SOS1: variants seen among roughly 807,000 people sequenced by gnomAD.
SOS1 encodes SOS Ras/Rac guanine nucleotide exchange factor 1, also known as son of sevenless homolog 1.
A neutral mutation model predicts 157.6 loss-of-function variants in SOS1; 25 were observed. That is an observed-to-expected ratio of 0.16 (90% CI 0.12 to 0.22). The LOEUF is 0.22. SOS1 is among the 10% of genes least tolerant of loss of function. The pLI, the probability that SOS1 is intolerant of heterozygous loss-of-function variation, is 1.00. For synonymous variants in SOS1, 528 were observed against 534.0 expected, an observed-to-expected ratio of 0.99 and a Z score of 0.16; for missense variants, 1,237 against 1,599.1, an observed-to-expected ratio of 0.77 and a Z score of 3.86.
intron 22 of SOS1, 52 bp downstream of exon 22, chr2:38,987,421 A>T: frequency 2.2e-6 from 2 of 917,530 alleles, no homozygotes; most frequent in Non-Finnish European, 3.6e-6. Context: ...GCCGTTTATT[A>T]TAATGAACTG....
intron 8 of SOS1, chr2:39,034,973 TA>T (rs902767903): frequency 4.5e-5 from 25 of 551,016 alleles, no homozygotes; most frequent in Non-Finnish European, 6.9e-5. Flanking sequence ...AAACCAAAAA[TA>T]AAAAAAAGAA....
At chr2:39,045,279 T>A (rs1194001584) in intron 6 of SOS1, among the ~76,000 whole-genome samples, 226 of 135,804 alleles carry the variant, frequency 1.7e-3, no homozygotes, top group African/African-American at 5.4e-3. Context: ...AGAGAGTGTG[T>A]GTGTGTGTGT....
intron 8 of SOS1, among the ~76,000 whole-genome samples, chr2:39,033,016 C>G (rs1342755585): frequency 5.9e-5 from 9 of 151,544 alleles, no homozygotes; most frequent in African/African-American, 1.9e-4. Context: ...ACCGGGATAC[C>G]CATGGAACCC....
chr2:39,083,967 C>A (rs1195913323), intron 1 of SOS1, among the ~76,000 whole-genome samples: 1 of 152,082 alleles, frequency 6.6e-6, no homozygotes, highest in African/African-American at 2.4e-5. Flanking sequence ...AAAATGAGGT[C>A]ATTAGGGTAG....
chr2:39,091,558 G>A (rs770741598), intron 1 of SOS1, among the ~76,000 whole-genome samples: 7 of 151,318 alleles, frequency 4.6e-5, no homozygotes, highest in Admixed American at 6.6e-5. Flanking sequence ...TAAACATAAC[G>A]GGATCACTCC....
chr2:39,038,506 C>G (rs1429422047), intron 6 of SOS1, among the ~76,000 whole-genome samples: 1 of 151,700 alleles, frequency 6.6e-6, no homozygotes, highest in Non-Finnish European at 1.5e-5. Flanking sequence ...GAGGCCAAGG[C>G]AGGCAGATCA....
At chr2:39,077,878 T>C (rs1672069738) in intron 1 of SOS1, among the ~76,000 whole-genome samples, 2 of 152,196 alleles carry the variant, frequency 1.3e-5, no homozygotes, top group Admixed American at 6.5e-5. Context: ...GCAGGATATC[T>C]TTATAACCTG....
Position 38,981,985 on chromosome 2 carries a change from C to T in SOS1, c.*3839G>A, listed in dbSNP as rs1668412225. 1 of 152,138 alleles carries T rather than the reference C, an allele frequency of 6.6e-6. No homozygotes were observed. Among genetic ancestry groups the T allele is most frequent in the South Asian group, 2.1e-4 (1 of 4,828 alleles). The allele number at this position is 152,138 out of a possible 1,614,324, so 9.4% of individuals were successfully genotyped here. A position where few individuals can be genotyped will look rare whatever the true frequency, so the allele number is the denominator to read the frequency against. On this transcript the variant is annotated 3_prime_UTR_variant, in exon 23 of 23. Transcript: ENST00000402219. ...TTAGAGATGTTCTTAATTAAAGGCA[C>T]ATTTGGCAGCTACTGAAAGTGGCAT...
intron 1 of SOS1, among the ~76,000 whole-genome samples, chr2:39,120,099 G>A (rs994529036): frequency 1.3e-4 from 20 of 152,242 alleles, no homozygotes; most frequent in African/African-American, 4.1e-4. Flanking sequence ...ACCTCTCAGG[G>A]GTTGGATTAT....
At chr2:39,047,954 T>A (rs752575161) in intron 6 of SOS1, among the ~76,000 whole-genome samples, 1 of 152,050 alleles carries the variant, frequency 6.6e-6, no homozygotes, top group South Asian at 2.1e-4. Context: ...AGGCATGAGC[T>A]ACCGTGCCCA....
chr2:39,084,542 C>G (rs1442640818), intron 1 of SOS1, among the ~76,000 whole-genome samples: 1 of 152,074 alleles, frequency 6.6e-6, no homozygotes, highest in Non-Finnish European at 1.5e-5. Flanking sequence ...ATGAATCATT[C>G]CTCCCCCAAA....
At chr2:39,080,357 A>G (rs1050010146) in intron 1 of SOS1, among the ~76,000 whole-genome samples, 3 of 152,132 alleles carry the variant, frequency 2.0e-5, no homozygotes, top group Non-Finnish European at 4.4e-5. Context: ...GAGTGGCTGT[A>G]AATACAGATG....
In SOS1 at chr2:39,013,506, A is replaced by G. The variant is rs571408451; in HGVS notation, c.2121T>C (p.Asp707=). ...VEHHFYDFER[D]AYLLQRMEEF... is the part of the protein sequence containing the mutation. ...CTTCCATTCGTTGCAAAAGATATGC[A>G]TCTCTTTCAAAATCATAGAAGTGGT... The change falls in exon 13 of 23, where the codon GAT becomes GAC. Residue 707 remains aspartate, a synonymous_variant. Transcript: ENST00000402219. 5.0e-6 allele frequency: 8 copies of G among 1,612,946 alleles called. No individual in the cohort carries two copies. The Admixed American group carries it at 6.7e-5, about 13-fold the overall frequency.
rs944143295 is a variant in SOS1 at position 39,106,621 on chromosome 2, T to A, written c.87+13715A>T. On this transcript the variant is annotated intron_variant, in intron 1 of 22. Coordinates refer to ENST00000402219, the MANE Select transcript of SOS1 (RefSeq NM_005633.4). ...AAAAAACAAAAAAAAAAACAAAACATCTGAGTAATTCAGGGTCCATAAAAC... is the reference window on the plus strand; with the variant it reads ...AAAAAACAAAAAAAAAAACAAAACAACTGAGTAATTCAGGGTCCATAAAAC... Among the ~76,000 whole-genome samples the A allele has an allele frequency of 7.7e-5, 11 of 143,438 alleles. 1 individual carries two copies. Among genetic ancestry groups the A allele is most frequent in the African/African-American group, 3.0e-4 (11 of 36,306 alleles). 94.1% of individuals were successfully genotyped at this position (143,438 alleles called of 152,430 possible).
chr2:38,996,383 C>T (rs1415941292), intron 19 of SOS1, among the ~76,000 whole-genome samples: 1 of 152,194 alleles, frequency 6.6e-6, no homozygotes, highest in Non-Finnish European at 1.5e-5. Context: ...AGCCACCGCA[C>T]CTGGCAGACT....
intron 1 of SOS1, among the ~76,000 whole-genome samples, chr2:39,098,655 C>A (rs373394613): frequency 6.6e-6 from 1 of 152,078 alleles, no homozygotes; most frequent in African/African-American, 2.4e-5. Context: ...TTTGGGAGGC[C>A]GAGGCAGGCA....
intron 1 of SOS1, among the ~76,000 whole-genome samples, chr2:39,080,336 C>T (rs1055564180): frequency 5.9e-5 from 9 of 152,048 alleles, no homozygotes; most frequent in Non-Finnish European, 8.8e-5. Flanking sequence ...GGCGGTAATG[C>T]GAATGATGGT....
At chr2:39,122,445 T>TACACACAC (rs1353516539), upstream of SOS1, among the ~76,000 whole-genome samples, 46 of 28,798 alleles carry the variant, frequency 1.6e-3, 1 homozygote, top group African/African-American at 7.2e-3. Context: ...CAAAAAAAAA[T>TACACACAC]ATACACACAC....
upstream of SOS1, among the ~76,000 whole-genome samples, chr2:39,123,266 C>A (rs1280391045): frequency 6.6e-6 from 1 of 152,104 alleles, no homozygotes; most frequent in African/African-American, 2.4e-5. Flanking sequence ...CCTGCTAGCA[C>A]TAAATCAAAT....
Sources: gnomAD v4.1 joint callset for allele counts (sites outside exome capture counted in the v4.1 genomes callset) on GRCh38, gnomAD v4.1.1 for gene constraint, MANE v1.5 for transcripts, NCBI Gene and HGNC (gene_info 2026-07-23, HGNC 2026-07-21) for gene names.